The following DNAH5 variants were observed in gnomAD, a reference collection of about 807,000 sequenced individuals.
The protein encoded by DNAH5 is dynein axonemal heavy chain 5.
Under a neutral mutation model 518.2 loss-of-function variants are expected in DNAH5, and 372 were observed. The ratio of observed to expected loss-of-function variants is 0.72; its 90% CI spans 0.66 to 0.78. DNAH5 has a LOEUF of 0.78. DNAH5 is among the 30% of genes least tolerant of loss of function. The pLI, the probability that DNAH5 is intolerant of heterozygous loss-of-function variation, is 0.00. For synonymous variants in DNAH5, 2,039 were observed against 2,025.9 expected (o/e 1.01, Z -0.17); for missense variants, 5,523 against 5,687.0 (o/e 0.97, Z 0.93).
At chr5:13,757,648 T>A (rs2126721683) in intron 61 of DNAH5, among the ~76,000 whole-genome samples, 1 of 152,218 alleles carries the variant, frequency 6.6e-6, no homozygotes, top group South Asian at 2.1e-4. Flanking sequence ...AAAATATGGA[T>A]CTGAAAAAAT....
intron 1 of DNAH5, among the ~76,000 whole-genome samples, chr5:13,973,248 C>T (rs1013168144): frequency 2.6e-5 from 4 of 152,306 alleles, no homozygotes; most frequent in South Asian, 2.1e-4. Context: ...GGGACCAAAA[C>T]GATTCTCTCC....
chr5:13,693,018 T>C (rs1740906300), intron 78 of DNAH5, among the ~76,000 whole-genome samples: 2 of 152,168 alleles, frequency 1.3e-5, no homozygotes, highest in Admixed American at 6.5e-5. Flanking sequence ...CCTCATTAGC[T>C]TCTTATGAAA....
intron 9 of DNAH5, 60 bp from the exon 10 acceptor site, chr5:13,914,702 A>T: frequency 6.4e-7 from 1 of 1,553,838 alleles, no homozygotes; most frequent in Non-Finnish European, 8.8e-7. Flanking sequence ...TGTAAACTGG[A>T]CTAGAAGGTC....
rs187539671 is a variant in DNAH5 at position 13,795,095 on chromosome 5, G to A, written c.7888-1037C>T. Among the ~76,000 whole-genome samples the A allele has an allele frequency of 4.1e-3, 625 of 152,282 alleles. 7 individuals carry two copies. The highest frequency in any genetic ancestry group is 0.013 in the African/African-American group (540 of 41,544). ...TAGCACTAAACACCCACAAGAGAAAGCAGGAAAGATCCAAAATTGACACCC... is the reference window on the plus strand; with the variant it reads ...TAGCACTAAACACCCACAAGAGAAAACAGGAAAGATCCAAAATTGACACCC... On this transcript the variant is annotated intron_variant, in intron 47 of 78. Transcript: ENST00000265104.
In DNAH5 at chr5:13,720,861, T is replaced by TTA; in HGVS notation, c.12279+138_12279+139insTA. On this transcript the variant is annotated intron_variant, in intron 71 of 78. Transcript: ENST00000265104. ...AAAAGTTTCAATGTTAGCTTAAATTTAAAAAAAAAACGCTGTTTAGTAAAC... is the reference window on the plus strand; with the variant it reads ...AAAAGTTTCAATGTTAGCTTAAATTTTAAAAAAAAAAACGCTGTTTAGTAAAC... 10 of 1,088,462 alleles carry TTA rather than the reference T, an allele frequency of 9.2e-6. No individual in the cohort carries two copies. In the African/African-American group the frequency reaches 9.7e-5, roughly 11 times the overall value. 67.4% of individuals were successfully genotyped at this position (1,088,462 alleles called of 1,614,324 possible).
At position 14,007,820 on chromosome 5, in the gene DNAH5, A is replaced by G. The variant is rs1457885819; in HGVS notation, c.12+3828T>C. Among the ~76,000 whole-genome samples the G allele has an allele frequency of 3.3e-5, 5 of 152,318 alleles. No individual in the cohort carries two copies. In the East Asian group the frequency reaches 9.7e-4, roughly 29 times the overall value. ...GGAAGCATCATTAATTGTGTAATGA[A>G]TGTTAGGAGAGCTCCAGCGTCCTAA... On this transcript the variant is annotated intron_variant, in intron 1 of 78. Transcript: ENST00000681290.
intron 68 of DNAH5, among the ~76,000 whole-genome samples, chr5:13,734,356 T>C (rs1032032744): frequency 6.6e-6 from 1 of 152,230 alleles, no homozygotes; most frequent in East Asian, 1.9e-4. Flanking sequence ...AGAACTAAGA[T>C]ACACAGTTAC....
In DNAH5 at chr5:13,830,198, CCA is replaced by C. The variant is rs1191096989; in HGVS notation, c.6075_6076del (p.Gly2026IlefsTer6). ...AAATTCATCAAAACAACCCCAGGAT[CCA>C]GACTGTGCCAGTCCTTCGAAAGGAA... is the stretch of plus-strand genomic sequence containing the variant. On this transcript the variant is annotated frameshift_variant, in exon 37 of 79. Coordinates refer to ENST00000265104, the MANE Select transcript of DNAH5 (RefSeq NM_001369.3). LOFTEE classifies it high-confidence loss of function. The C allele has an allele frequency of 6.2e-7, 1 of 1,613,814 alleles. No individual in the cohort carries two copies. The highest frequency in any genetic ancestry group is 8.5e-7 in the Non-Finnish European group (1 of 1,179,840).
rs144053917 is a variant in DNAH5 at position 13,876,765 on chromosome 5, G to C, written c.3315C>G (p.Asn1105Lys). Residue 1105 changes from asparagine (N) to lysine (K), a missense_variant, in exon 22 of 79, where the codon AAC (asparagine) becomes AAG (lysine). Asn to Lys is a moderately conservative substitution (Grantham distance 94, BLOSUM62 0). This residue lies in a region of DNAH5 where 5,121 missense variants were observed against 5,223.3 expected (regional missense o/e 0.98). Coordinates refer to ENST00000265104, the MANE Select transcript of DNAH5 (RefSeq NM_001369.3). ...VNLPIPVQTK[N>K]YYKNVSENKE... ...TGTTTTCAGAAACATTCTTATAATAGTTCTTGGTTTGCACGGGAATGGGTA... is the reference window on the plus strand; with the variant it reads ...TGTTTTCAGAAACATTCTTATAATACTTCTTGGTTTGCACGGGAATGGGTA... The C allele has an allele frequency of 4.3e-6, 7 of 1,613,762 alleles. 1 individual carries two copies. In the South Asian group the frequency reaches 7.7e-5, roughly 18 times the overall value.
rs1256261329 is a variant in DNAH5 at position 13,830,105 on chromosome 5, T to A, written c.6170A>T (p.Lys2057Met). Residue 2057 changes from lysine (K) to methionine (M), a missense_variant, in exon 37 of 79, where the codon AAG (lysine) becomes ATG (methionine). Lys to Met is a moderately conservative substitution (Grantham distance 95, BLOSUM62 -1). Transcript: ENST00000265104. ...AAAGATAAAAGACTTTTTGTGCTCCTTTTTACATGTCAGAATAATGGAAAT... is the reference window on the plus strand; with the variant it reads ...AAAGATAAAAGACTTTTTGTGCTCCATTTTACATGTCAGAATAATGGAAAT... ...QQISIILTCKKEHKKSFIFTD... is the reference protein window; with the variant it reads ...QQISIILTCKMEHKKSFIFTD... 1 of 1,613,804 alleles carries A rather than the reference T, an allele frequency of 6.2e-7. No homozygotes were observed. The highest frequency in any genetic ancestry group is 2.2e-5 in the East Asian group (1 of 44,878).
intron 12 of DNAH5, 144 bp from the exon 13 acceptor site, chr5:13,902,282 A>G (rs1774734819): frequency 9.1e-6 from 6 of 662,116 alleles, no homozygotes; most frequent in Non-Finnish European, 1.5e-5. Flanking sequence ...TAAAAGAAAA[A>G]TAAATGCCCA....
chr5:13,892,464 T>C (rs1440160476), intron 16 of DNAH5, among the ~76,000 whole-genome samples: 3 of 152,208 alleles, frequency 2.0e-5, no homozygotes, highest in East Asian at 3.8e-4. Context: ...TAGGATTGGC[T>C]TACTAATCCA....
In DNAH5 at chr5:13,691,101, A is replaced by G. The variant is rs1427522956; in HGVS notation, c.*883T>C. 1.3e-5 allele frequency: 2 copies of G among 152,208 alleles called. No individual in the cohort carries two copies. Among genetic ancestry groups the G allele is most frequent in the East Asian group, 3.8e-4 (2 of 5,198 alleles). The allele number at this position is 152,208 out of a possible 1,614,324, so 9.4% of individuals were successfully genotyped here. A position where few individuals can be genotyped will look rare whatever the true frequency, so the allele number is the denominator to read the frequency against. ...AATATCTCTTAATTTCCTTAACCAT[A>G]GCCTGACTATTGAATATTTATGATT... On this transcript the variant is annotated 3_prime_UTR_variant, in exon 79 of 79. Coordinates refer to ENST00000265104, the MANE Select transcript of DNAH5 (RefSeq NM_001369.3).
Position 13,900,387 on chromosome 5 carries a change from T to C in DNAH5, c.2078A>G (p.Glu693Gly). 1 of 1,614,114 alleles carries C rather than the reference T, an allele frequency of 6.2e-7. No homozygotes were observed. Among genetic ancestry groups the C allele is most frequent in the Non-Finnish European group, 8.5e-7 (1 of 1,179,994 alleles). The change falls in exon 15 of 79, where the codon GAG (glutamate) becomes GGG (glycine). Residue 693 changes from glutamate (E) to glycine (G), a missense_variant. Coordinates refer to ENST00000265104, the MANE Select transcript of DNAH5 (RefSeq NM_001369.3). Reference sequence around the variant, plus strand: ...TGGAGCCTTCACCAATAATGAAGCCTCAAGACCTACATGAATTTCTTCAAT... The same window carrying C: ...TGGAGCCTTCACCAATAATGAAGCCCCAAGACCTACATGAATTTCTTCAAT... ...RQIEEIHVGL[E>G]ASLLVKAPGT...
At chr5:13,963,505 G>A (rs2152049359) in intron 1 of DNAH5, among the ~76,000 whole-genome samples, 1 of 152,080 alleles carries the variant, frequency 6.6e-6, no homozygotes, top group Middle Eastern at 3.4e-3. Flanking sequence ...CTTGAACCCG[G>A]GAGGCAGAGG....
At chr5:13,852,326 C>A (rs565942911) in intron 30 of DNAH5, among the ~76,000 whole-genome samples, 1 of 152,244 alleles carries the variant, frequency 6.6e-6, no homozygotes, top group Non-Finnish European at 1.5e-5. Context: ...TGCCACCATG[C>A]CTGGCTAATT....
chr5:13,887,593 T>G (rs1458833931), intron 17 of DNAH5, among the ~76,000 whole-genome samples: 1 of 152,154 alleles, frequency 6.6e-6, no homozygotes, highest in Non-Finnish European at 1.5e-5. Context: ...AGCATGGGGC[T>G]CCACCATTTC....
chr5:13,727,956 A>G (rs190405727), intron 69 of DNAH5, among the ~76,000 whole-genome samples: 1 of 152,216 alleles, frequency 6.6e-6, no homozygotes, highest in South Asian at 2.1e-4. Context: ...CAACAAAATC[A>G]ATGGAAATTC....
intron 1 of DNAH5, among the ~76,000 whole-genome samples, chr5:13,952,591 T>C (rs1167372098): frequency 6.6e-6 from 1 of 152,216 alleles, no homozygotes; most frequent in African/African-American, 2.4e-5. Context: ...CATGACTGTA[T>C]TTCTGGGTTT....
Sources: allele counts gnomAD v4.1 joint callset (sites outside exome capture counted in the v4.1 genomes callset), GRCh38; gene constraint gnomAD v4.1.1; regional missense constraint gnomAD v4.1.1; transcripts MANE v1.5; gene names NCBI Gene and HGNC (gene_info 2026-07-23, HGNC 2026-07-21).